TDRD3: variants seen among roughly 807,000 people sequenced by gnomAD.
TDRD3 encodes tudor domain-containing protein 3.
Under a neutral mutation model 86.7 loss-of-function variants are expected in TDRD3, and 45 were observed. The ratio of observed to expected loss-of-function variants is 0.52; its 90% CI spans 0.41 to 0.67. TDRD3 has a LOEUF of 0.67. Among genes scored for constraint, TDRD3 ranks in the 30% least tolerant of loss-of-function variants. TDRD3 has a pLI of 0.00. For synonymous variants in TDRD3, 298 were observed against 301.7 expected (o/e 0.99, Z 0.13); for missense variants, 814 against 889.0 (o/e 0.92, Z 1.07).
intron 1 of TDRD3, among the ~76,000 whole-genome samples, chr13:60,410,278 T>C (rs1954330356): frequency 6.6e-6 from 1 of 152,182 alleles, no homozygotes; most frequent in Non-Finnish European, 1.5e-5. Context: ...AAATTATATT[T>C]CATGCTAGGG....
At chr13:60,411,584 T>C (rs1369064064) in intron 1 of TDRD3, among the ~76,000 whole-genome samples, 1 of 152,094 alleles carries the variant, frequency 6.6e-6, no homozygotes, top group Non-Finnish European at 1.5e-5. Context: ...CTGGAGAACA[T>C]AGGTTTTTTT....
intron 6 of TDRD3, among the ~76,000 whole-genome samples, chr13:60,484,238 T>C (rs1956379485): frequency 6.6e-6 from 1 of 152,154 alleles, no homozygotes; most frequent in African/African-American, 2.4e-5. Context: ...ATCAAAGTGC[T>C]ACTTTGAAGC....
chr13:60,465,479 GTT>G (rs1268354498), intron 4 of TDRD3, among the ~76,000 whole-genome samples: 1 of 152,110 alleles, frequency 6.6e-6, no homozygotes, highest in East Asian at 1.9e-4. Flanking sequence ...ATGACCATTT[GTT>G]TTGTCAGTTG....
At chr13:60,511,077 GCT>G (rs762058060) in intron 10 of TDRD3, among the ~76,000 whole-genome samples, 2 of 151,764 alleles carry the variant, frequency 1.3e-5, no homozygotes, top group Non-Finnish European at 2.9e-5. Context: ...AACTTATTTT[GCT>G]TGTGAAATTG....
At chr13:60,516,235 C>T (rs148560231) in intron 10 of TDRD3, among the ~76,000 whole-genome samples, 6 of 152,262 alleles carry the variant, frequency 3.9e-5, no homozygotes, top group East Asian at 1.9e-4. Flanking sequence ...CAGAATTTAG[C>T]GCAGTAAGCC....
chr13:60,475,248 C>T (rs1231685205), intron 5 of TDRD3, among the ~76,000 whole-genome samples: 1 of 152,112 alleles, frequency 6.6e-6, no homozygotes, highest in Admixed American at 6.6e-5. Flanking sequence ...TCCCACCCTT[C>T]TCCCTTAAGC....
At chr13:60,400,799 T>G (rs1954073940) in intron 1 of TDRD3, among the ~76,000 whole-genome samples, 1 of 151,838 alleles carries the variant, frequency 6.6e-6, no homozygotes. Context: ...TCTCTCTCTG[T>G]GCATATGAAG....
At chr13:60,487,556 C>T (rs60612871) in intron 7 of TDRD3, among the ~76,000 whole-genome samples, 8 of 152,082 alleles carry the variant, frequency 5.3e-5, no homozygotes, top group East Asian at 3.8e-4. Context: ...TTTATGTAAG[C>T]GACTTGAGCA....
At chr13:60,524,742 A>G (rs1957372508) in intron 10 of TDRD3, among the ~76,000 whole-genome samples, 1 of 152,040 alleles carries the variant, frequency 6.6e-6, no homozygotes. Flanking sequence ...TCCAAGAATG[A>G]CTTCTTAGGT....
intron 10 of TDRD3, among the ~76,000 whole-genome samples, chr13:60,517,848 G>A (rs899363176): frequency 2.0e-5 from 3 of 152,344 alleles, no homozygotes; most frequent in Admixed American, 2.0e-4. Flanking sequence ...TGCTGAAATT[G>A]AGAGTGTTTA....
intron 1 of TDRD3, among the ~76,000 whole-genome samples, chr13:60,435,039 G>A (rs1028769833): frequency 5.3e-5 from 8 of 152,050 alleles, no homozygotes; most frequent in Non-Finnish European, 1.2e-4. Context: ...GGTAATATTG[G>A]AGTTTTAAAT....
intron 5 of TDRD3, among the ~76,000 whole-genome samples, chr13:60,472,122 A>G (rs1011597302): frequency 3.9e-5 from 6 of 152,104 alleles, no homozygotes; most frequent in Non-Finnish European, 7.4e-5. Flanking sequence ...GTCAATTGAG[A>G]TGATCATGTG....
At chr13:60,510,862 T>A in intron 10 of TDRD3, 107 bp downstream of exon 10, 1 of 1,116,210 alleles carries the variant, frequency 9.0e-7, no homozygotes, top group Non-Finnish European at 1.2e-6. Context: ...AGAATTGTAG[T>A]GTAAAACAAC....
At chr13:60,567,492 T>G in intron 12 of TDRD3, 33 bp from the exon 13 acceptor site, 1 of 1,613,970 alleles carries the variant, frequency 6.2e-7, no homozygotes, top group Non-Finnish European at 8.5e-7. Flanking sequence ...GGAGCCATTT[T>G]GAACATGTAA....
chr13:60,412,283 C>T (rs1350986570), intron 1 of TDRD3, among the ~76,000 whole-genome samples: 5 of 152,218 alleles, frequency 3.3e-5, no homozygotes, highest in South Asian at 2.1e-4. Context: ...GTTCAGCTTA[C>T]GGTAAATTTG....
intron 10 of TDRD3, among the ~76,000 whole-genome samples, chr13:60,518,757 A>T (rs1957223958): frequency 6.6e-6 from 1 of 152,166 alleles, no homozygotes; most frequent in Admixed American, 6.6e-5. Context: ...TCCAGCACTA[A>T]GCTACAAACA....
intron 10 of TDRD3, among the ~76,000 whole-genome samples, chr13:60,513,600 T>C (rs552676611): frequency 1.3e-5 from 2 of 152,220 alleles, no homozygotes; most frequent in South Asian, 4.2e-4. Context: ...AATTCCCACA[T>C]GTTGTGGGAG....
At chr13:60,500,726 G>A (rs1956812893) in intron 8 of TDRD3, among the ~76,000 whole-genome samples, 1 of 152,210 alleles carries the variant, frequency 6.6e-6, no homozygotes, top group African/African-American at 2.4e-5. Context: ...AGCATGATTG[G>A]AAAATTGGTG....
At chr13:60,567,199 T>G (rs1450054883) in intron 12 of TDRD3, among the ~76,000 whole-genome samples, 14 of 152,204 alleles carry the variant, frequency 9.2e-5, no homozygotes, top group African/African-American at 1.4e-4. Flanking sequence ...TTTTACCACA[T>G]TGTGTCAAGC....
Sources: allele counts gnomAD v4.1 joint callset (sites outside exome capture counted in the v4.1 genomes callset), GRCh38; gene constraint gnomAD v4.1.1; transcripts MANE v1.5; gene names NCBI Gene and HGNC (gene_info 2026-07-23, HGNC 2026-07-21).